Variants in FAM8A1 observed in about 807,000 individuals in gnomAD.
The protein encoded by FAM8A1 is family with sequence similarity 8 member A1.
FAM8A1 carries 18 observed loss-of-function variants against 38.3 expected under a neutral mutation model. The observed-to-expected ratio is 0.47, with a 90% CI of 0.33 to 0.70. The LOEUF is 0.70. Ranked by LOEUF, FAM8A1 falls within the 30% of genes least tolerant of loss-of-function variation. The probability of loss-of-function intolerance (pLI) is 0.03; values close to 1 mark genes in which losing one functional copy is unlikely to be tolerated. For synonymous variants in FAM8A1, 246 were observed against 234.4 expected, an observed-to-expected ratio of 1.05 and a Z score of -0.45; for missense variants, 559 against 559.6, an observed-to-expected ratio of 1.00 and a Z score of 0.01.
chr6:17,601,598 G>T (rs544561115), intron 1 of FAM8A1, among the ~76,000 whole-genome samples: 2 of 152,228 alleles, frequency 1.3e-5, no homozygotes, highest in Non-Finnish European at 2.9e-5. Context: ...TTGGGTCAAA[G>T]CTTCACTTCA....
rs1764127063 is a variant in FAM8A1 at position 17,610,558 on chromosome 6, AACG to A, written c.*2221_*2223del. On this transcript the variant is annotated 3_prime_UTR_variant, in exon 5 of 5. Coordinates refer to ENST00000259963, the MANE Select transcript of FAM8A1 (RefSeq NM_016255.3). ...AAAGTTTGGAAAAAAATGACAAAAC[AACG>A]AGGGAAGAAGGAACCAGACCTTAGT... The A allele has an allele frequency of 1.3e-5, 2 of 152,110 alleles. No individual in the cohort carries two copies. Among genetic ancestry groups the A allele is most frequent in the African/African-American group, 4.8e-5 (2 of 41,432 alleles). 9.4% of individuals were successfully genotyped at this position (152,110 alleles called of 1,614,324 possible). A position where few individuals can be genotyped will look rare whatever the true frequency, so the allele number is the denominator to read the frequency against.
At position 17,611,438 on chromosome 6, in the gene FAM8A1, A is replaced by G. The variant is rs1316460720; in HGVS notation, c.*3099A>G. 2 of 152,628 alleles carry G rather than the reference A, an allele frequency of 1.3e-5. No homozygotes were observed. Among genetic ancestry groups the G allele is most frequent in the African/African-American group, 4.8e-5 (2 of 41,448 alleles). 9.5% of individuals were successfully genotyped at this position (152,628 alleles called of 1,614,324 possible). ...GCAGTTGTTTCTTTGAATATGCCTA[A>G]ATAACAGTATTCTTAAAATCTGACA... On this transcript the variant is annotated 3_prime_UTR_variant, in exon 5 of 5. Transcript: ENST00000259963.
chr6:17,600,331 C>G lies in FAM8A1; in HGVS notation c.-79C>G, dbSNP rs1763960945. 5 of 1,301,860 alleles carry G rather than the reference C, an allele frequency of 3.8e-6. No individual in the cohort carries two copies. The South Asian group carries it at 9.4e-5, about 24-fold the overall frequency. The allele number at this position is 1,301,860 out of a possible 1,614,324, so 80.6% of individuals were successfully genotyped here. A position where few individuals can be genotyped will look rare whatever the true frequency, so the allele number is the denominator to read the frequency against. ...ACGCCTGCGGTTGCTGCGGTGGTGACGGGGCTGTTGGGGAGGGGCCATTGG... is the reference window on the plus strand; with the variant it reads ...ACGCCTGCGGTTGCTGCGGTGGTGAGGGGGCTGTTGGGGAGGGGCCATTGG... On this transcript the variant is annotated 5_prime_UTR_variant, in exon 1 of 5. Coordinates refer to ENST00000259963, the MANE Select transcript of FAM8A1 (RefSeq NM_016255.3).
At position 17,601,771 on chromosome 6, in the gene FAM8A1, G is replaced by C. The variant is rs562413863; in HGVS notation, c.712+650G>C. Among the ~76,000 whole-genome samples, 348 of 151,574 alleles carry C rather than the reference G, an allele frequency of 2.3e-3. 2 individuals carry two copies. The highest frequency in any genetic ancestry group is 8.2e-3 in the African/African-American group (339 of 41,120). ...GGGACAAGAACTAGTTGATGCCTCT[G>C]ATCCCAGTCAGAATTTAGGATGACA... On this transcript the variant is annotated intron_variant, in intron 1 of 4. Coordinates refer to ENST00000259963, the MANE Select transcript of FAM8A1 (RefSeq NM_016255.3).
In FAM8A1 at chr6:17,600,371, G is replaced by T. The variant is rs750030319; in HGVS notation, c.-39G>T. 7.4e-7 allele frequency: 1 copy of T among 1,353,222 alleles called. No homozygotes were observed. Among genetic ancestry groups the T allele is most frequent in the Non-Finnish European group, 9.5e-7 (1 of 1,050,870 alleles). 83.8% of individuals were successfully genotyped at this position (1,353,222 alleles called of 1,614,324 possible). A position where few individuals can be genotyped will look rare whatever the true frequency, so the allele number is the denominator to read the frequency against. On this transcript the variant is annotated 5_prime_UTR_variant, in exon 1 of 5. Coordinates refer to ENST00000259963, the MANE Select transcript of FAM8A1 (RefSeq NM_016255.3). ...GGGGCCATTGGGGGAGGGAAACGGA[G>T]CAGTGACAGGTATCCCAGAGGGTGC...
In FAM8A1 at chr6:17,600,745, G is replaced by A. The variant is rs746567981; in HGVS notation, c.336G>A (p.Glu112=). 1 of 1,569,310 alleles carries A rather than the reference G, an allele frequency of 6.4e-7. No individual in the cohort carries two copies. Among genetic ancestry groups the A allele is most frequent in the South Asian group, 1.1e-5 (1 of 89,172 alleles). The change falls in exon 1 of 5, where the codon GAG becomes GAA. Residue 112 remains glutamate, a synonymous_variant. Transcript: ENST00000259963. ...GACCAGCTCGGCTGAGCGCCCGCGAGTACTCCCGGCAAGTGCACGAGTGGC... is the reference window on the plus strand; with the variant it reads ...GACCAGCTCGGCTGAGCGCCCGCGAATACTCCCGGCAAGTGCACGAGTGGC... ...RERPARLSAR[E]YSRQVHEWLW... is the part of the protein sequence containing the mutation.
chr6:17,608,283 A>G lies in FAM8A1; in HGVS notation c.1186A>G (p.Thr396Ala). The change falls in exon 5 of 5, where the codon ACA (threonine) becomes GCA (alanine). Residue 396 changes from threonine to alanine, a missense_variant. By Grantham distance (58) the Thr-to-Ala change is moderately conservative. Transcript: ENST00000259963. ...ITLLFFQHNR[T>A]AYDIVAGTIV... Reference sequence around the variant, plus strand: ...ACTGCTGTTTTTTCAGCATAATCGAACAGCTTATGACATTGTAGCAGGAAC... The same window carrying G: ...ACTGCTGTTTTTTCAGCATAATCGAGCAGCTTATGACATTGTAGCAGGAAC... 1 of 1,613,334 alleles carries G rather than the reference A, an allele frequency of 6.2e-7. No homozygotes were observed. Among genetic ancestry groups the G allele is most frequent in the Non-Finnish European group, 8.5e-7 (1 of 1,179,776 alleles).
intron 3 of FAM8A1, among the ~76,000 whole-genome samples, chr6:17,605,664 G>C (rs1764042795): frequency 6.6e-6 from 1 of 152,230 alleles, no homozygotes; most frequent in South Asian, 2.1e-4. Context: ...AGTAGTCATA[G>C]AGAAATATTA....
rs1202795982 is a variant in FAM8A1 at position 17,610,554 on chromosome 6, AAAC to A, written c.*2219_*2221del. ...TCCCAAAGTTTGGAAAAAAATGACA[AAAC>A]AACGAGGGAAGAAGGAACCAGACCT... On this transcript the variant is annotated 3_prime_UTR_variant, in exon 5 of 5. Coordinates refer to ENST00000259963, the MANE Select transcript of FAM8A1 (RefSeq NM_016255.3). 6.6e-5 allele frequency: 10 copies of A among 152,248 alleles called. No individual in the cohort carries two copies. Among genetic ancestry groups the A allele is most frequent in the Admixed American group, 2.6e-4 (4 of 15,284 alleles). The allele number at this position is 152,248 out of a possible 1,614,324, so 9.4% of individuals were successfully genotyped here.
rs1764119802 is a variant in FAM8A1, at chr6:17,610,187, T to A, written c.*1848T>A. On this transcript the variant is annotated 3_prime_UTR_variant, in exon 5 of 5. Transcript: ENST00000259963. ...TACACCACTTTTGCCGCTGGGGAAT[T>A]CAAGTTGAAATGTCCCTCAATCATA... 2 of 152,136 alleles carry A rather than the reference T, an allele frequency of 1.3e-5. No individual in the cohort carries two copies. Among genetic ancestry groups the A allele is most frequent in the Admixed American group, 6.6e-5 (1 of 15,260 alleles). 9.4% of individuals were successfully genotyped at this position (152,136 alleles called of 1,614,324 possible). A position where few individuals can be genotyped will look rare whatever the true frequency, so the allele number is the denominator to read the frequency against.
At position 17,609,278 on chromosome 6, in the gene FAM8A1, A is replaced by AT. The variant is rs1272645035; in HGVS notation, c.*942dup. 6.6e-6 allele frequency: 1 copy of AT among 152,168 alleles called. No individual in the cohort carries two copies. The highest frequency in any genetic ancestry group is 2.4e-5 in the African/African-American group (1 of 41,426). The allele number at this position is 152,168 out of a possible 1,614,324, so 9.4% of individuals were successfully genotyped here. A position where few individuals can be genotyped will look rare whatever the true frequency, so the allele number is the denominator to read the frequency against. ...TCTCAGTGTTCTCAGTGTAAATTCT[A>AT]TTTATATACAGCATATTCACATACT... On this transcript the variant is annotated 3_prime_UTR_variant, in exon 5 of 5. Transcript: ENST00000259963.
At chr6:17,602,479 TTTA>T (rs71002230) in intron 1 of FAM8A1, 108 bp from the exon 2 acceptor site, 148,238 of 1,065,362 alleles carry the variant, frequency 0.14, 11,043 homozygotes, top group Admixed American at 0.18. Flanking sequence ...ATAAATATTT[TTTA>T]TTAAGTTGTA....
In FAM8A1 at chr6:17,608,383, G is replaced by A. The variant is rs752071952; in HGVS notation, c.*44G>A. 11 of 1,577,760 alleles carry A rather than the reference G, an allele frequency of 7.0e-6. No individual in the cohort carries two copies. The African/African-American group carries it at 9.5e-5, about 14-fold the overall frequency. On this transcript the variant is annotated 3_prime_UTR_variant, in exon 5 of 5. Coordinates refer to ENST00000259963, the MANE Select transcript of FAM8A1 (RefSeq NM_016255.3). ...TTTCCACACACTAAGACTAAATTAT[G>A]TATCAAGGCCATCAGTATCCCTGGG...
chr6:17,607,468 C>CTATCTATATACTATAGGTAG (rs71002231), intron 4 of FAM8A1, among the ~76,000 whole-genome samples: 100,430 of 141,448 alleles, frequency 0.71, 36,506 homozygotes, highest in East Asian at 0.87. Flanking sequence ...TAGGTAGTCT[C>CTATCTATATACTATAGGTAG]TATCTATATA....
rs1337586151 is a variant in FAM8A1 at position 17,610,549 on chromosome 6, T to A, written c.*2210T>A. On this transcript the variant is annotated 3_prime_UTR_variant, in exon 5 of 5. Transcript: ENST00000259963. ...TTGATTCCCAAAGTTTGGAAAAAAA[T>A]GACAAAACAACGAGGGAAGAAGGAA... 1 of 151,954 alleles carries A rather than the reference T, an allele frequency of 6.6e-6. No homozygotes were observed. The highest frequency in any genetic ancestry group is 1.5e-5 in the Non-Finnish European group (1 of 67,950). 9.4% of individuals were successfully genotyped at this position (151,954 alleles called of 1,614,324 possible). A position where few individuals can be genotyped will look rare whatever the true frequency, so the allele number is the denominator to read the frequency against.
In FAM8A1 at chr6:17,601,011, G is replaced by C. The variant is rs752839779; in HGVS notation, c.602G>C (p.Gly201Ala). 251 of 1,587,876 alleles carry C rather than the reference G, an allele frequency of 1.6e-4. 1 individual carries two copies. Among genetic ancestry groups the C allele is most frequent in the Non-Finnish European group, 2.1e-4 (248 of 1,169,528 alleles). ...ATCAGCACCCCTGCTCCAGTCGCGG[G>C]CCTGGGACCCCGGGCTCCTCACGTG... ...AGISTPAPVA[G>A]LGPRAPHVQA... is the part of the protein sequence containing the mutation. The change falls in exon 1 of 5, where the codon GGC (glycine) becomes GCC (alanine). Residue 201 changes from glycine (G) to alanine (A), a missense_variant. Gly to Ala is a moderately conservative substitution (Grantham distance 60, BLOSUM62 0). Transcript: ENST00000259963.
chr6:17,600,387 C>A lies in FAM8A1; in HGVS notation c.-23C>A. Reference sequence around the variant, plus strand: ...GGAAACGGAGCAGTGACAGGTATCCCAGAGGGTGCTGCTGAGGCGACGATG... The same window carrying A: ...GGAAACGGAGCAGTGACAGGTATCCAAGAGGGTGCTGCTGAGGCGACGATG... On this transcript the variant is annotated 5_prime_UTR_variant, in exon 1 of 5. Coordinates refer to ENST00000259963, the MANE Select transcript of FAM8A1 (RefSeq NM_016255.3). 2 of 1,378,186 alleles carry A rather than the reference C, an allele frequency of 1.5e-6. No individual in the cohort carries two copies. Among genetic ancestry groups the A allele is most frequent in the Non-Finnish European group, 9.4e-7 (1 of 1,064,914 alleles). 85.4% of individuals were successfully genotyped at this position (1,378,186 alleles called of 1,614,324 possible).
Position 17,601,045 on chromosome 6 carries a change from G to T in FAM8A1, c.636G>T (p.Ser212=). The change falls in exon 1 of 5, where the codon TCG becomes TCT. Residue 212 remains serine, a synonymous_variant. Coordinates refer to ENST00000259963, the MANE Select transcript of FAM8A1 (RefSeq NM_016255.3). Reference sequence around the variant, plus strand: ...CCCGGGCTCCTCACGTGCAGGCGTCGGTCCGGGCCACTCCAGTGACGAGGG... The same window carrying T: ...CCCGGGCTCCTCACGTGCAGGCGTCTGTCCGGGCCACTCCAGTGACGAGGG... ...LGPRAPHVQA[S]VRATPVTRVG... The T allele has an allele frequency of 6.3e-7, 1 of 1,593,968 alleles. No homozygotes were observed. Among genetic ancestry groups the T allele is most frequent in the Non-Finnish European group, 8.5e-7 (1 of 1,173,072 alleles).
intron 1 of FAM8A1, among the ~76,000 whole-genome samples, chr6:17,602,219 C>T (rs1763994524): frequency 6.6e-6 from 1 of 152,202 alleles, no homozygotes; most frequent in East Asian, 1.9e-4. Flanking sequence ...TTTGTTGAGA[C>T]GGGGTTTCGC....
Sources: allele counts gnomAD v4.1 joint callset (sites outside exome capture counted in the v4.1 genomes callset), GRCh38; gene constraint gnomAD v4.1.1; transcripts MANE v1.5; gene names NCBI Gene and HGNC (gene_info 2026-07-23, HGNC 2026-07-21).